Variants in NRXN1 observed in about 807,000 individuals in gnomAD.
NRXN1 encodes the protein neurexin 1, also known as neurexin-1.
A neutral mutation model predicts 150.9 loss-of-function variants in NRXN1; 39 were observed. The ratio of observed to expected loss-of-function variants is 0.26; its 90% CI spans 0.20 to 0.34. The LOEUF (loss-of-function observed/expected upper bound fraction) is 0.34, where lower values mean the gene tolerates loss of function less well. NRXN1 is among the 10% of genes least tolerant of loss of function. NRXN1 has a pLI of 1.00. For synonymous variants in NRXN1, 924 were observed against 757.0 expected (o/e 1.22, Z -3.62); for missense variants, 1,815 against 1,949.9 (o/e 0.93, Z 1.30).
At chr2:50,300,906 G>A (rs959036000) in intron 17 of NRXN1, among the ~76,000 whole-genome samples, 1 of 152,136 alleles carries the variant, frequency 6.6e-6, no homozygotes, top group Non-Finnish European at 1.5e-5. Context: ...ATGTTGGCCA[G>A]GCTGGTCTCG....
chr2:50,147,842 G>A (rs1219707637), intron 18 of NRXN1, among the ~76,000 whole-genome samples: 1 of 151,702 alleles, frequency 6.6e-6, no homozygotes, highest in African/African-American at 2.4e-5. Flanking sequence ...GTCTTTTAAA[G>A]TACTGAAAGT....
chr2:50,971,575 C>T (rs1303106553), intron 2 of NRXN1, among the ~76,000 whole-genome samples: 2 of 151,706 alleles, frequency 1.3e-5, no homozygotes, highest in Non-Finnish European at 2.9e-5. Context: ...AAGAGCAAGA[C>T]TCGATCTCAA....
In NRXN1 at chr2:50,620,105, A is replaced by C; in HGVS notation, c.1237T>G (p.Phe413Val). 6.2e-7 allele frequency: 1 copy of C among 1,613,482 alleles called. No individual in the cohort carries two copies. Among genetic ancestry groups the C allele is most frequent in the Non-Finnish European group, 8.5e-7 (1 of 1,179,656 alleles). ...CTGGGACTGCCTCCAACATAGAAAA[A>C]GTCATCAGACCCCAGCATGGTATAA... ...EDYTMLGSDD[F>V]FYVGGSPSTA... The change falls in exon 8 of 23, where the codon TTT becomes GTT. Residue 413 changes from phenylalanine to valine, a missense_variant. Physicochemically the swap from Phe to Val is conservative, Grantham distance 50. This residue lies in a region of NRXN1 where 638 missense variants were observed against 652.6 expected (regional missense o/e 0.98). Transcript: ENST00000401669.
At chr2:50,874,524 C>G (rs1678277440) in intron 5 of NRXN1, among the ~76,000 whole-genome samples, 1 of 151,718 alleles carries the variant, frequency 6.6e-6, no homozygotes, top group African/African-American at 2.4e-5. Context: ...CTGTTAGCAT[C>G]ACGTTTTGAG....
chr2:50,044,994 C>T (rs951299623), intron 21 of NRXN1, among the ~76,000 whole-genome samples: 2 of 152,106 alleles, frequency 1.3e-5, no homozygotes, highest in African/African-American at 4.8e-5. Context: ...TGCTATTTGT[C>T]TGCTTGAGAT....
intron 5 of NRXN1, among the ~76,000 whole-genome samples, chr2:50,819,262 C>T (rs1478515892): frequency 2.0e-5 from 3 of 152,104 alleles, no homozygotes; most frequent in African/African-American, 7.2e-5. Context: ...TCGCAATAGC[C>T]AAAGGGCAGA....
intron 21 of NRXN1, among the ~76,000 whole-genome samples, chr2:49,956,101 G>C (rs2104502186): frequency 6.6e-6 from 1 of 152,096 alleles, no homozygotes; most frequent in Non-Finnish European, 1.5e-5. Context: ...GCATCCCCAG[G>C]GCCTGCCACA....
chr2:50,264,951 AAAC>A (rs1213499277), intron 17 of NRXN1, among the ~76,000 whole-genome samples: 1 of 152,138 alleles, frequency 6.6e-6, no homozygotes, highest in Non-Finnish European at 1.5e-5. Context: ...TTTTTCAAGA[AAAC>A]AACAATAACA....
At chr2:50,143,848 A>G (rs1436460477) in intron 18 of NRXN1, among the ~76,000 whole-genome samples, 2 of 151,882 alleles carry the variant, frequency 1.3e-5, no homozygotes, top group African/African-American at 4.8e-5. Flanking sequence ...TAATGGATTT[A>G]CTGATTAAGC....
chr2:50,201,919 T>C (rs1344359181), intron 18 of NRXN1, among the ~76,000 whole-genome samples: 2 of 152,208 alleles, frequency 1.3e-5, no homozygotes, highest in African/African-American at 4.8e-5. Flanking sequence ...CTTACCTGTA[T>C]TTAAAAGTTT....
At chr2:49,957,628 A>C (rs1675213431) in intron 21 of NRXN1, among the ~76,000 whole-genome samples, 1 of 152,172 alleles carries the variant, frequency 6.6e-6, no homozygotes, top group Non-Finnish European at 1.5e-5. Flanking sequence ...GTATATTGAA[A>C]ATACAAGGAG....
At chr2:50,999,696 A>T (rs1995583) in intron 2 of NRXN1, among the ~76,000 whole-genome samples, 2 of 151,792 alleles carry the variant, frequency 1.3e-5, no homozygotes, top group Non-Finnish European at 2.9e-5. Context: ...GCCACCCAGT[A>T]ACTCAGGTCA....
intron 18 of NRXN1, among the ~76,000 whole-genome samples, chr2:50,095,629 T>A (rs1157859269): frequency 6.6e-6 from 1 of 152,176 alleles, no homozygotes; most frequent in African/African-American, 2.4e-5. Context: ...TAAAACTTTC[T>A]GCAATATGAA....
chr2:50,497,330 C>A lies in NRXN1; in HGVS notation c.2879+3G>T. ...ATTTGCTATTGAACAGGCATGTACT[C>A]ACCCTTTAACTAATTCAACCACAAT... On this transcript the variant is annotated splice_donor_region_variant and intron_variant, in intron 14 of 22. Transcript: ENST00000401669. 1 of 1,520,340 alleles carries A rather than the reference C, an allele frequency of 6.6e-7. No homozygotes were observed. Among genetic ancestry groups the A allele is most frequent in the South Asian group, 1.3e-5 (1 of 75,158 alleles). 94.2% of individuals were successfully genotyped at this position (1,520,340 alleles called of 1,614,324 possible).
intron 19 of NRXN1, among the ~76,000 whole-genome samples, chr2:50,059,104 A>G (rs1199391966): frequency 2.0e-5 from 3 of 152,288 alleles, no homozygotes; most frequent in African/African-American, 7.2e-5. Context: ...CAAAGACAGG[A>G]AGATGTGGGA....
chr2:50,972,493 G>T (rs1028874612), intron 2 of NRXN1, among the ~76,000 whole-genome samples: 2 of 152,108 alleles, frequency 1.3e-5, no homozygotes, highest in Non-Finnish European at 2.9e-5. Flanking sequence ...ATAGACTGGG[G>T]AGGGGGGTGG....
intron 21 of NRXN1, among the ~76,000 whole-genome samples, chr2:50,052,584 A>G (rs1179336471): frequency 6.6e-6 from 1 of 152,170 alleles, no homozygotes; most frequent in African/African-American, 2.4e-5. Flanking sequence ...CAAGTTGTGC[A>G]AATGCCACAT....
Position 49,943,687 on chromosome 2 carries a change from A to T in NRXN1, c.4216+17T>A, listed in dbSNP as rs200836763. 220 of 1,578,718 alleles carry T rather than the reference A, an allele frequency of 1.4e-4. 2 individuals carry two copies. In the South Asian group the frequency reaches 2.4e-3, roughly 17 times the overall value. ...TTTACAGTAAAGCCAAGGAAGTAAG[A>T]AAAAAAGTTGACTAACCTAACCCAC... On this transcript the variant is annotated intron_variant, in intron 22 of 22. Transcript: ENST00000401669.
intron 5 of NRXN1, among the ~76,000 whole-genome samples, chr2:50,819,124 C>A (rs538216164): frequency 6.6e-6 from 1 of 152,210 alleles, no homozygotes; most frequent in Admixed American, 6.5e-5. Context: ...GGAGGTTCCT[C>A]AAACAATTAA....
Sources: gnomAD v4.1 joint callset for allele counts (sites outside exome capture counted in the v4.1 genomes callset) on GRCh38, gnomAD v4.1.1 for gene constraint, gnomAD v4.1.1 regional missense constraint, MANE v1.5 for transcripts, NCBI Gene and HGNC (gene_info 2026-07-23, HGNC 2026-07-21) for gene names.